MYPN: variants seen among roughly 807,000 people sequenced by gnomAD.
MYPN encodes the protein sarcomeric protein myopalladin, 145 kDa (MYOP).
In MYPN, 63 loss-of-function variants were observed where a neutral mutation model predicts 129.4. The ratio of observed to expected loss-of-function variants is 0.49; its 90% CI spans 0.40 to 0.60. The LOEUF (loss-of-function observed/expected upper bound fraction) is 0.60, where lower values mean the gene tolerates loss of function less well. Among genes scored for constraint, MYPN ranks in the 20% least tolerant of loss-of-function variants. MYPN has a pLI of 0.00. For missense variants in MYPN, 1,596 were observed against 1,635.4 expected (o/e 0.98, Z 0.42); for synonymous variants, 629 against 600.9 (o/e 1.05, Z -0.68).
At chr10:68,157,996 A>G (rs1206727463) in intron 6 of MYPN, 1 of 155,606 alleles carries the variant, frequency 6.4e-6, no homozygotes, top group African/African-American at 2.4e-5. Context: ...TTTACTTAGC[A>G]TTGGTAGAGA....
rs369454063 is a variant in MYPN at position 68,158,566 on chromosome 10, T to G, written c.1398T>G (p.Val466=). The change falls in exon 7 of 20, where the codon GTT becomes GTG. Residue 466 remains valine (V), a synonymous_variant. Transcript: ENST00000358913. ...CRVKGAPSPK[V]EWYREGTLIE... ...TAAAAGGAGCTCCATCTCCTAAGGTTGAGTGGTATAGAGAAGGGACTTTAA... is the reference window on the plus strand; with the variant it reads ...TAAAAGGAGCTCCATCTCCTAAGGTGGAGTGGTATAGAGAAGGGACTTTAA... The G allele has an allele frequency of 2.5e-6, 4 of 1,611,744 alleles. No homozygotes were observed. Among genetic ancestry groups the G allele is most frequent in the Non-Finnish European group, 3.4e-6 (4 of 1,177,950 alleles).
chr10:68,173,581 T>C (rs1307952348), intron 10 of MYPN, among the ~76,000 whole-genome samples: 1 of 49,980 alleles, frequency 2.0e-5, no homozygotes, highest in African/African-American at 6.2e-5. Flanking sequence ...TTATTTTATT[T>C]ATTTATTTAT....
intron 1 of MYPN, among the ~76,000 whole-genome samples, chr10:68,114,991 G>T (rs1020607877): frequency 1.3e-5 from 2 of 152,150 alleles, no homozygotes; most frequent in African/African-American, 4.8e-5. Flanking sequence ...GGGCATGGTG[G>T]CTCACGCCTG....
At position 68,141,293 on chromosome 10, in the gene MYPN, C is replaced by T. The variant is rs534205700; in HGVS notation, c.903-1647C>T. On this transcript the variant is annotated intron_variant, in intron 2 of 19. Transcript: ENST00000358913. ...CTGAGGCAGGAGAATTGCTTGAACC[C>T]GGGGGGCAGAGGTTGCAGTGAGTGG... Among the ~76,000 whole-genome samples the T allele has an allele frequency of 3.3e-5, 5 of 151,140 alleles. No individual in the cohort carries two copies. In the South Asian group the frequency reaches 8.3e-4, roughly 25 times the overall value.
Position 68,195,512 on chromosome 10 carries a change from C to T in MYPN, c.3138C>T (p.Thr1046=), listed in dbSNP as rs2043589814. 8.7e-6 allele frequency: 14 copies of T among 1,613,990 alleles called. No individual in the cohort carries two copies. Among genetic ancestry groups the T allele is most frequent in the African/African-American group, 1.3e-5 (1 of 75,050 alleles). The part of the protein sequence containing the change: ...VQSLPIRSRL[T]SAGQSHRGRS... ...GTTTGCCCATTCGCAGTCGGCTAAC[C>T]TCTGCTGGTCAGTCTCACAGGTAAA... The change falls in exon 15 of 20, where the codon ACC becomes ACT. Residue 1046 remains threonine (T), a synonymous_variant. Transcript: ENST00000358913.
upstream of MYPN, among the ~76,000 whole-genome samples, chr10:68,108,125 G>A (rs1305479361): frequency 6.6e-6 from 1 of 152,110 alleles, no homozygotes; most frequent in Non-Finnish European, 1.5e-5. Context: ...TGAAGCTCTG[G>A]GTTACTGTGG....
chr10:68,161,917 C>CT, intron 8 of MYPN, 165 bp downstream of exon 8: 1 of 546,726 alleles, frequency 1.8e-6, no homozygotes, highest in Non-Finnish European at 3.2e-6. Flanking sequence ...AATTCCAGCA[C>CT]TTTGCGAGGC....
intron 12 of MYPN, among the ~76,000 whole-genome samples, chr10:68,185,376 C>T (rs1182573755): frequency 6.6e-6 from 1 of 152,120 alleles, no homozygotes; most frequent in African/African-American, 2.4e-5. Flanking sequence ...ATAACATTTT[C>T]TTTATGATTT....
chr10:68,114,383 C>T (rs912862200), intron 1 of MYPN: 3 of 149,040 alleles, frequency 2.0e-5, no homozygotes, highest in African/African-American at 4.9e-5. Flanking sequence ...GCTCTTTTGC[C>T]CAGACTGGAG....
chr10:68,187,508 A>G (rs1307978987), intron 12 of MYPN, among the ~76,000 whole-genome samples: 3 of 152,216 alleles, frequency 2.0e-5, no homozygotes, highest in Non-Finnish European at 4.4e-5. Flanking sequence ...TAATCACTCA[A>G]CCAAGTGGTG....
intron 14 of MYPN, among the ~76,000 whole-genome samples, 158 bp downstream of exon 14, chr10:68,194,670 T>C (rs2043574980): frequency 6.6e-6 from 1 of 152,232 alleles, no homozygotes; most frequent in South Asian, 2.1e-4. Context: ...GCATCACAAC[T>C]TAAAGGACTA....
chr10:68,163,798 G>A (rs1468656569), intron 8 of MYPN, among the ~76,000 whole-genome samples: 3 of 152,116 alleles, frequency 2.0e-5, no homozygotes, highest in Non-Finnish European at 4.4e-5. Context: ...AGTGACAAAG[G>A]AAGTGGGTCA....
At chr10:68,128,421 TA>T (rs1462130693) in intron 2 of MYPN, among the ~76,000 whole-genome samples, 2 of 152,224 alleles carry the variant, frequency 1.3e-5, no homozygotes, top group Non-Finnish European at 2.9e-5. Flanking sequence ...TAGTTATAAA[TA>T]AAAAGCATAT....
intron 2 of MYPN, among the ~76,000 whole-genome samples, chr10:68,127,087 C>T (rs570652978): frequency 1.3e-4 from 20 of 149,800 alleles, no homozygotes; most frequent in Non-Finnish European, 2.4e-4. Flanking sequence ...TGGGTTCAAG[C>T]AATTCCCCTG....
chr10:68,206,957 AT>A (rs2043826687), intron 19 of MYPN, 54 bp downstream of exon 19: 6 of 1,608,468 alleles, frequency 3.7e-6, no homozygotes, highest in Non-Finnish European at 8.5e-7. Flanking sequence ...GCTTAAAAAT[AT>A]TTTTTTAAAG....
intron 6 of MYPN, among the ~76,000 whole-genome samples, chr10:68,155,331 G>A (rs1235643499): frequency 1.3e-5 from 2 of 152,208 alleles, no homozygotes; most frequent in Admixed American, 1.3e-4. Flanking sequence ...CATGGAAGAA[G>A]ACAAGCTTCC....
intron 19 of MYPN, among the ~76,000 whole-genome samples, chr10:68,208,672 C>G (rs1025278718): frequency 6.6e-6 from 1 of 152,262 alleles, no homozygotes; most frequent in East Asian, 1.9e-4. Flanking sequence ...GCTCTCCTCT[C>G]CCTTTCGTTC....
chr10:68,170,483 T>G (rs574084390), intron 10 of MYPN, among the ~76,000 whole-genome samples: 1 of 152,206 alleles, frequency 6.6e-6, no homozygotes, highest in Non-Finnish European at 1.5e-5. Context: ...CTTTTCTTAC[T>G]AGTTTTAACC....
At chr10:68,136,824 G>GT in intron 2 of MYPN, 1 of 1,282,652 alleles carries the variant, frequency 7.8e-7, no homozygotes, top group Non-Finnish European at 1.1e-6. Flanking sequence ...ATTGATATTT[G>GT]TTTTATCAAG....
Sources: allele counts gnomAD v4.1 joint callset (sites outside exome capture counted in the v4.1 genomes callset), GRCh38; gene constraint gnomAD v4.1.1; transcripts MANE v1.5; gene names NCBI Gene and HGNC (gene_info 2026-07-23, HGNC 2026-07-21).